AFG1L: variants seen among roughly 807,000 people sequenced by gnomAD.
AFG1L encodes the protein AFG1-like ATPase.
In AFG1L, 53 loss-of-function variants were observed where a neutral mutation model predicts 62.2. The observed-to-expected ratio is 0.85, with a 90% CI of 0.68 to 1.07. The LOEUF is 1.07. Among genes scored for constraint, AFG1L ranks in the 50% least tolerant of loss-of-function variants. The pLI, the probability that AFG1L is intolerant of heterozygous loss-of-function variation, is 0.00. For missense variants in AFG1L, 555 were observed against 590.5 expected (o/e 0.94, Z 0.62); for synonymous variants, 228 against 210.3 (o/e 1.08, Z -0.73).
At chr6:108,464,914 A>G (rs2114787064) in intron 8 of AFG1L, among the ~76,000 whole-genome samples, 1 of 152,336 alleles carries the variant, frequency 6.6e-6, no homozygotes, top group Admixed American at 6.5e-5. Flanking sequence ...ACAAAGGCCT[A>G]CTTTATAGTA....
intron 6 of AFG1L, among the ~76,000 whole-genome samples, chr6:108,396,131 G>C (rs2114611168): frequency 6.6e-6 from 1 of 150,800 alleles, no homozygotes; most frequent in South Asian, 2.1e-4. Flanking sequence ...CTCCCGACTT[G>C]GCCTCTCAAA....
intron 6 of AFG1L, among the ~76,000 whole-genome samples, chr6:108,398,238 A>G (rs1321255609): frequency 6.6e-6 from 1 of 152,118 alleles, no homozygotes; most frequent in African/African-American, 2.4e-5. Flanking sequence ...CCTGTTTGCT[A>G]TTTGTATGTC....
At chr6:108,302,464 CT>C (rs879462666) in intron 1 of AFG1L, among the ~76,000 whole-genome samples, 81 of 146,332 alleles carry the variant, frequency 5.5e-4, no homozygotes, top group African/African-American at 7.0e-4. Context: ...TCAGATAAGA[CT>C]TTTTTTTTTT....
At chr6:108,328,820 C>T (rs1324191696) in intron 2 of AFG1L, among the ~76,000 whole-genome samples, 1 of 152,034 alleles carries the variant, frequency 6.6e-6, no homozygotes, top group African/African-American at 2.4e-5. Flanking sequence ...AAATCTTTGG[C>T]TCTTCTTAGG....
chr6:108,352,172 C>T (rs1449156501), intron 3 of AFG1L, among the ~76,000 whole-genome samples: 1 of 152,190 alleles, frequency 6.6e-6, no homozygotes, highest in African/African-American at 2.4e-5. Context: ...GGCCTGGCAA[C>T]CACCATTCTA....
intron 1 of AFG1L, among the ~76,000 whole-genome samples, chr6:108,315,397 G>C (rs903434565): frequency 6.6e-6 from 1 of 152,122 alleles, no homozygotes; most frequent in Non-Finnish European, 1.5e-5. Flanking sequence ...TCACAGAAAG[G>C]CTTTTTCCTG....
At chr6:108,344,388 C>T (rs1015615081) in intron 2 of AFG1L, among the ~76,000 whole-genome samples, 2 of 152,144 alleles carry the variant, frequency 1.3e-5, no homozygotes, top group Admixed American at 1.3e-4. Context: ...GCTAGGATTA[C>T]AGGCATGAGC....
intron 9 of AFG1L, 33 bp from the exon 10 acceptor site, chr6:108,477,159 G>T: frequency 7.3e-7 from 1 of 1,374,634 alleles, no homozygotes; most frequent in South Asian, 1.3e-5. Flanking sequence ...TAATTATCCA[G>T]ACAAGATTGA....
chr6:108,422,509 A>G (rs1392191403), intron 7 of AFG1L, among the ~76,000 whole-genome samples: 5 of 150,246 alleles, frequency 3.3e-5, no homozygotes, highest in Non-Finnish European at 5.9e-5. Flanking sequence ...AGAAGAAGAA[A>G]TGCTCTATTT....
chr6:108,390,798 G>T (rs1330574354), intron 6 of AFG1L, among the ~76,000 whole-genome samples: 1 of 152,208 alleles, frequency 6.6e-6, no homozygotes, highest in Admixed American at 6.5e-5. Context: ...TCCCAGTTAG[G>T]CTGCTCCTGG....
intron 1 of AFG1L, among the ~76,000 whole-genome samples, chr6:108,320,751 G>C (rs552980514): frequency 6.6e-6 from 1 of 152,176 alleles, no homozygotes; most frequent in East Asian, 1.9e-4. Context: ...CAGGCCCTAA[G>C]AGAGACCCCT....
intron 1 of AFG1L, among the ~76,000 whole-genome samples, chr6:108,302,975 GCT>G (rs1228639872): frequency 2.0e-5 from 3 of 151,734 alleles, no homozygotes; most frequent in Non-Finnish European, 2.9e-5. Context: ...TCGGAGTTTC[GCT>G]CTGTCACCCA....
At position 108,519,789 on chromosome 6, in the gene AFG1L, G is replaced by A. The variant is rs773543211; in HGVS notation, c.1296G>A (p.Met432Ile). The change falls in exon 12 of 13, where the codon ATG becomes ATA. Residue 432 changes from methionine (M) to isoleucine (I), a missense_variant. Transcript: ENST00000368977. ...DSELEQSRIL[M>I]DDLGLSQDSA... ...AGTTGGAGCAAAGCAGAATACTGAT[G>A]GATGATTTGGGGCTGAGCCAGGTAG... The A allele has an allele frequency of 6.2e-7, 1 of 1,609,088 alleles. No individual in the cohort carries two copies. Among genetic ancestry groups the A allele is most frequent in the African/African-American group, 1.3e-5 (1 of 74,708 alleles).
At chr6:108,406,279 T>C (rs1175049245) in intron 7 of AFG1L, among the ~76,000 whole-genome samples, 2 of 152,106 alleles carry the variant, frequency 1.3e-5, no homozygotes, top group African/African-American at 4.8e-5. Context: ...TTTCTCTGCA[T>C]TTTCCCCAAC....
At chr6:108,416,918 TATA>T (rs1303631417) in intron 7 of AFG1L, among the ~76,000 whole-genome samples, 3 of 151,402 alleles carry the variant, frequency 2.0e-5, no homozygotes, top group Admixed American at 6.6e-5. Flanking sequence ...GAACTTAAAG[TATA>T]ATAATAATAA....
chr6:108,426,379 C>T (rs1395145654), intron 7 of AFG1L, among the ~76,000 whole-genome samples: 2 of 152,088 alleles, frequency 1.3e-5, no homozygotes, highest in African/African-American at 4.8e-5. Flanking sequence ...TTGCATAGTT[C>T]CTTTCTGTGG....
At chr6:108,357,124 G>A (rs895192277) in intron 5 of AFG1L, among the ~76,000 whole-genome samples, 10 of 152,048 alleles carry the variant, frequency 6.6e-5, no homozygotes, top group Admixed American at 3.9e-4. Flanking sequence ...CTCTGTCACC[G>A]AGGCCCAGGC....
At chr6:108,464,428 A>T (rs1772587582) in intron 8 of AFG1L, among the ~76,000 whole-genome samples, 1 of 152,160 alleles carries the variant, frequency 6.6e-6, no homozygotes, top group African/African-American at 2.4e-5. Flanking sequence ...CTCTCTGTTC[A>T]CTAATTTAAT....
intron 7 of AFG1L, among the ~76,000 whole-genome samples, chr6:108,421,534 A>T (rs2114689199): frequency 6.6e-6 from 1 of 152,222 alleles, no homozygotes; most frequent in Admixed American, 6.5e-5. Context: ...AAATCCTTTG[A>T]TGTAGGAAGA....
Sources: gnomAD v4.1 joint callset for allele counts (sites outside exome capture counted in the v4.1 genomes callset) on GRCh38, gnomAD v4.1.1 for gene constraint, MANE v1.5 for transcripts, NCBI Gene and HGNC (gene_info 2026-07-23, HGNC 2026-07-21) for gene names.